The following CNBD1 variants were observed in gnomAD, a reference collection of about 807,000 sequenced individuals.
CNBD1 encodes the protein cyclic nucleotide-binding domain-containing protein 1.
CNBD1 carries 71 observed loss-of-function variants against 54.4 expected under a neutral mutation model. That is an observed-to-expected ratio of 1.30 (90% CI 1.08 to 1.59). The LOEUF is 1.59. Among genes scored for constraint, CNBD1 ranks in the 40% most tolerant of loss-of-function variants. The pLI is 0.00. For synonymous variants in CNBD1, 182 were observed against 170.7 expected (o/e 1.07, Z -0.51); for missense variants, 659 against 518.0 (o/e 1.27, Z -2.64).
intron 4 of CNBD1, among the ~76,000 whole-genome samples, chr8:87,008,325 A>C (rs1809144467): frequency 6.6e-6 from 1 of 152,146 alleles, no homozygotes; most frequent in Non-Finnish European, 1.5e-5. Context: ...GTTCTTTGTT[A>C]CATGCTTAAT....
At chr8:87,072,135 C>T (rs79730279) in intron 4 of CNBD1, among the ~76,000 whole-genome samples, 114 of 152,106 alleles carry the variant, frequency 7.5e-4, no homozygotes, top group East Asian at 6.2e-3. Context: ...ATTGCAACCC[C>T]GGCTTTTTTG....
intron 1 of CNBD1, among the ~76,000 whole-genome samples, chr8:86,870,890 C>A (rs1405441388): frequency 6.6e-6 from 1 of 151,988 alleles, no homozygotes; most frequent in African/African-American, 2.4e-5. Flanking sequence ...TGTTTGTGTC[C>A]ATTTCTGTGT....
At chr8:87,138,588 T>G (rs1338297629) in intron 4 of CNBD1, among the ~76,000 whole-genome samples, 1 of 152,198 alleles carries the variant, frequency 6.6e-6, no homozygotes, top group Admixed American at 6.5e-5. Context: ...TCTTCTGGGT[T>G]AACCACTGCT....
intron 2 of CNBD1, among the ~76,000 whole-genome samples, chr8:87,390,069 C>G (rs1382534358): frequency 6.6e-6 from 1 of 150,832 alleles, no homozygotes; most frequent in Non-Finnish European, 1.5e-5. Context: ...AACTGGATCC[C>G]TTCCTTACAC....
chr8:87,289,906 A>C (rs1808757416), intron 8 of CNBD1, among the ~76,000 whole-genome samples: 1 of 152,162 alleles, frequency 6.6e-6, no homozygotes, highest in Non-Finnish European at 1.5e-5. Flanking sequence ...CAGTGATTCA[A>C]GTACCTGTGA....
At chr8:87,037,056 C>A (rs1260906778) in intron 4 of CNBD1, among the ~76,000 whole-genome samples, 3 of 151,862 alleles carry the variant, frequency 2.0e-5, no homozygotes, top group South Asian at 4.1e-4. Context: ...TTTTTTGCGA[C>A]CTCGAATATA....
At chr8:87,254,481 A>G (rs762545867) in intron 6 of CNBD1, among the ~76,000 whole-genome samples, 2 of 152,196 alleles carry the variant, frequency 1.3e-5, no homozygotes, top group Non-Finnish European at 2.9e-5. Context: ...GGATGGCCCA[A>G]CACATCCAAG....
intron 4 of CNBD1, among the ~76,000 whole-genome samples, chr8:87,030,069 T>A (rs1809747938): frequency 6.6e-6 from 1 of 152,218 alleles, no homozygotes; most frequent in African/African-American, 2.4e-5. Flanking sequence ...TTCAAAATTA[T>A]TGTAATCACA....
intron 4 of CNBD1, among the ~76,000 whole-genome samples, chr8:87,183,866 A>T (rs549679360): frequency 1.3e-4 from 20 of 152,310 alleles, no homozygotes; most frequent in African/African-American, 4.6e-4. Flanking sequence ...CAGGCCTATC[A>T]CTTTGTTCTG....
intron 5 of CNBD1, among the ~76,000 whole-genome samples, chr8:87,234,945 G>T (rs184421250): frequency 1.3e-5 from 2 of 152,264 alleles, no homozygotes; most frequent in Admixed American, 1.3e-4. Context: ...CTTTATCAAT[G>T]ACCTCAGCTA....
Position 87,166,415 on chromosome 8 carries a change from A to C in CNBD1, c.432-39578A>C, listed in dbSNP as rs1489220154. Among the ~76,000 whole-genome samples the C allele has an allele frequency of 6.6e-6, 1 of 151,966 alleles. No homozygotes were observed. The highest frequency in any genetic ancestry group is 1.5e-5 in the Non-Finnish European group (1 of 67,924). ...GGTTTGTATCTTCCACTACTTCTGCATGCCAGCCTAGTATTTACATAGCTG... is the reference window on the plus strand; with the variant it reads ...GGTTTGTATCTTCCACTACTTCTGCCTGCCAGCCTAGTATTTACATAGCTG... On this transcript the variant is annotated intron_variant, in intron 4 of 10. Coordinates refer to ENST00000518476, the MANE Select transcript of CNBD1 (RefSeq NM_173538.3). This position sits in a 1 kb window ranked among gnomAD's most constrained non-coding sequence, Gnocchi z 4.3.
At chr8:87,001,075 G>C (rs895859782) in intron 4 of CNBD1, among the ~76,000 whole-genome samples, 1 of 151,914 alleles carries the variant, frequency 6.6e-6, no homozygotes, top group Admixed American at 6.6e-5. Context: ...CATTATATTG[G>C]ACAGTCCTTG....
At chr8:87,367,471 T>A (rs1037999883) in intron 10 of CNBD1, among the ~76,000 whole-genome samples, 2 of 152,084 alleles carry the variant, frequency 1.3e-5, no homozygotes, top group African/African-American at 4.8e-5. Flanking sequence ...AAATCTTCTA[T>A]CAGTCTCTAT....
downstream of CNBD1, among the ~76,000 whole-genome samples, chr8:87,387,421 C>A (rs1243328233): frequency 6.6e-6 from 1 of 151,880 alleles, no homozygotes; most frequent in Non-Finnish European, 1.5e-5. Flanking sequence ...ATCTACCAAG[C>A]AAATGGAAAA....
intron 8 of CNBD1, among the ~76,000 whole-genome samples, chr8:87,328,417 A>T (rs1235557342): frequency 2.7e-5 from 4 of 150,146 alleles, no homozygotes; most frequent in East Asian, 2.0e-4. Context: ...ATTATGTTTA[A>T]TTTTTTTCAT....
chr8:87,031,477 C>G (rs537587076), intron 4 of CNBD1, among the ~76,000 whole-genome samples: 1 of 152,212 alleles, frequency 6.6e-6, no homozygotes, highest in Non-Finnish European at 1.5e-5. Context: ...TGAGAGAAGC[C>G]TATGCAAGCA....
downstream of CNBD1, among the ~76,000 whole-genome samples, chr8:87,385,072 G>T (rs939679444): frequency 6.6e-6 from 1 of 152,146 alleles, no homozygotes; most frequent in Non-Finnish European, 1.5e-5. Context: ...AGATTTGGGG[G>T]ACAAGGACTG....
chr8:87,135,005 TAG>T (rs1249943539), intron 4 of CNBD1, among the ~76,000 whole-genome samples: 2 of 152,162 alleles, frequency 1.3e-5, no homozygotes, highest in African/African-American at 4.8e-5. Flanking sequence ...TGTTCACACT[TAG>T]AGTTAGGTCA....
intron 8 of CNBD1, among the ~76,000 whole-genome samples, chr8:87,304,118 C>T (rs932141019): frequency 3.9e-5 from 6 of 151,950 alleles, no homozygotes; most frequent in Admixed American, 2.0e-4. Context: ...CCATTTGACC[C>T]AGCCATCCCA....
Sources: gnomAD v4.1 joint callset for allele counts (sites outside exome capture counted in the v4.1 genomes callset) on GRCh38, gnomAD v4.1.1 for gene constraint, Gnocchi (gnomAD v3.1) non-coding constraint, MANE v1.5 for transcripts, NCBI Gene and HGNC (gene_info 2026-07-23, HGNC 2026-07-21) for gene names.